The following C12orf57 variants were observed in gnomAD, a reference collection of about 807,000 sequenced individuals.
C12orf57 encodes the protein protein C10.
In C12orf57, 14 loss-of-function variants were observed where a neutral mutation model predicts 11.3. The observed-to-expected ratio is 1.24, with a 90% CI of 0.82 to 1.94. The LOEUF is 1.94. Among genes scored for constraint, C12orf57 ranks in the 30% most tolerant of loss-of-function variants. The probability of loss-of-function intolerance (pLI) is 0.00; values close to 1 mark genes in which losing one functional copy is unlikely to be tolerated. For missense variants in C12orf57, 229 were observed against 172.4 expected (o/e 1.33, Z -1.84); for synonymous variants, 100 against 74.6 (o/e 1.34, Z -1.76).
chr12:6,944,033 C>CCCTG lies in C12orf57; in HGVS notation c.-88_-87insCTGC. ...GCCGGATGCTGTTTCCTTTCCGCTC[C>CCCTG]CAGGGGCGTTGGGAACGGTTGTAGG... On this transcript the variant is annotated 5_prime_UTR_variant, in exon 1 of 3. Transcript: ENST00000229281. 6.2e-7 allele frequency: 1 copy of CCCTG among 1,609,908 alleles called. No individual in the cohort carries two copies. Among genetic ancestry groups the CCCTG allele is most frequent in the Non-Finnish European group, 8.5e-7 (1 of 1,179,512 alleles).
upstream of C12orf57, chr12:6,943,879 C>T (rs112268095): frequency 9.0e-4 from 909 of 1,006,152 alleles, no homozygotes; most frequent in African/African-American, 5.0e-3. Flanking sequence ...GAAAGCCCCT[C>T]TTATGATGTT....
In C12orf57 at chr12:6,944,465, C is replaced by G. The variant is rs782510857; in HGVS notation, c.53-11C>G. On this transcript the variant is annotated splice_polypyrimidine_tract_variant and intron_variant, in intron 1 of 2. Transcript: ENST00000229281. ...CCCGGGACGCCTCCCTGGGATGCTTCTGGCGCGCAGTGGTCCTCGCGGAGG... is the reference window on the plus strand; with the variant it reads ...CCCGGGACGCCTCCCTGGGATGCTTGTGGCGCGCAGTGGTCCTCGCGGAGG... 3 of 1,610,440 alleles carry G rather than the reference C, an allele frequency of 1.9e-6. No individual in the cohort carries two copies. Among genetic ancestry groups the G allele is most frequent in the East Asian group, 4.5e-5 (2 of 44,818 alleles).
rs781877592 is a variant in C12orf57, at chr12:6,944,168, C to G, written c.47C>G (p.Ala16Gly). Residue 16 changes from alanine to glycine, a missense_variant, in exon 1 of 3, where the codon GCA becomes GGA. By Grantham distance (60) the Ala-to-Gly change is moderately conservative. Coordinates refer to ENST00000229281, the MANE Select transcript of C12orf57 (RefSeq NM_138425.4). ...CCGGCGGCCTTGAGCGCTGAGCAAG[C>G]AAAGGGTGAGAATCGTCCTAGTCAA... The part of the protein sequence containing the change: ...TQPAALSAEQ[A>G]KVVLAEVIQA... 5.0e-6 allele frequency: 8 copies of G among 1,614,088 alleles called. No homozygotes were observed. In the East Asian group the frequency reaches 1.1e-4, roughly 22 times the overall value.
At chr12:6,943,848 A>T, upstream of C12orf57, 1 of 899,162 alleles carries the variant, frequency 1.1e-6, no homozygotes, top group Non-Finnish European at 1.6e-6. Context: ...TTTGTCTAGT[A>T]GGCTTTCTGG....
chr12:6,943,816 C>A (rs115670517), upstream of C12orf57: 10 of 833,466 alleles, frequency 1.2e-5, no homozygotes, highest in South Asian at 1.8e-5. Flanking sequence ...ACATACGCAG[C>A]AGTGTTACAG....
chr12:6,943,659 T>G (rs782517275), upstream of C12orf57: 1 of 1,288,432 alleles, frequency 7.8e-7, no homozygotes, highest in African/African-American at 1.5e-5. Flanking sequence ...AATGAATGAC[T>G]TAAGTAAGTT....
In C12orf57 at chr12:6,944,646, G is replaced by A. The variant is rs146701570; in HGVS notation, c.223G>A (p.Gly75Arg). Residue 75 changes from glycine (G) to arginine (R), a missense_variant, in exon 2 of 3, where the codon GGG becomes AGG. Transcript: ENST00000229281. The stretch of plus-strand genomic sequence containing the variant: ...CAAAGCCTATGGCTTCAGCTGCGAC[G>A]GGGAAGGTGGGTCAGACGCGGGAAG... ...VIKAYGFSCD[G>R]EGVLKFARLV... is the part of the protein sequence containing the mutation. 1.5e-5 allele frequency: 24 copies of A among 1,611,432 alleles called. No homozygotes were observed. Among genetic ancestry groups the A allele is most frequent in the East Asian group, 2.2e-5 (1 of 44,818 alleles).
chr12:6,943,831 T>A (rs1343068289), upstream of C12orf57: 2 of 866,826 alleles, frequency 2.3e-6, no homozygotes, highest in African/African-American at 1.7e-5. Flanking sequence ...TTACAGCTCT[T>A]TTAGAATTTG....
At position 6,944,512 on chromosome 12, in the gene C12orf57, C is replaced by T. The variant is rs782646361; in HGVS notation, c.89C>T (p.Pro30Leu). 3.7e-6 allele frequency: 6 copies of T among 1,613,518 alleles called. No homozygotes were observed. The Middle Eastern group carries it at 5.3e-4, about 143-fold the overall frequency. Residue 30 changes from proline to leucine, a missense_variant, in exon 2 of 3, where the codon CCG becomes CTG. Coordinates refer to ENST00000229281, the MANE Select transcript of C12orf57 (RefSeq NM_138425.4). ...LAEVIQAFSA[P>L]ENAVRMDEAR... ...GAGGTGATCCAGGCGTTCTCCGCCC[C>T]GGAGAATGCAGTGCGCATGGACGAG...
upstream of C12orf57, chr12:6,943,932 G>GT: frequency 1.5e-6 from 2 of 1,349,244 alleles, no homozygotes; most frequent in Non-Finnish European, 2.0e-6. Flanking sequence ...AAAATTATGG[G>GT]TAGTTTTGGT....
chr12:6,944,254 G>A (rs1366853662), intron 1 of C12orf57, 81 bp downstream of exon 1: 2 of 1,610,648 alleles, frequency 1.2e-6, no homozygotes, highest in African/African-American at 1.3e-5. Context: ...GAGGATGCGG[G>A]CGGAGGATGT....
chr12:6,945,746 G>A, intron 2 of C12orf57, 25 bp from the exon 3 acceptor site: 6 of 1,611,822 alleles, frequency 3.7e-6, no homozygotes, highest in Non-Finnish European at 5.1e-6. Flanking sequence ...TAGGAGAAGG[G>A]TTGACCTTCC....
chr12:6,944,108 G>T lies in C12orf57; in HGVS notation c.-14G>T, dbSNP rs200840884. 6.8e-6 allele frequency: 11 copies of T among 1,614,212 alleles called. No individual in the cohort carries two copies. In the Admixed American group the frequency reaches 1.7e-4, roughly 24 times the overall value. On this transcript the variant is annotated 5_prime_UTR_variant, in exon 1 of 3. Transcript: ENST00000229281. ...TCCATTTACCTCCGCTGAACCTAGA[G>T]CTTCAGACGCCCTATGGCGTCCGCC...
chr12:6,943,944 G>C (rs782323046), upstream of C12orf57: 443 of 1,446,484 alleles, frequency 3.1e-4, 4 homozygotes, highest in South Asian at 3.4e-3. Context: ...AGTTTTGGTG[G>C]TCTTGATGCA....
chr12:6,945,027 A>G, intron 2 of C12orf57: 2 of 454,566 alleles, frequency 4.4e-6, no homozygotes, highest in Non-Finnish European at 3.6e-6. Flanking sequence ...GTAATTTTAT[A>G]TAATAGTCTG....
upstream of C12orf57, chr12:6,943,907 T>C (rs952270888): frequency 9.2e-5 from 108 of 1,167,744 alleles, no homozygotes; most frequent in Non-Finnish European, 1.2e-4. Context: ...AATGATAGAT[T>C]GTTTTCACTG....
chr12:6,944,797 C>CA (rs1441396190), intron 2 of C12orf57, 145 bp downstream of exon 2: 4 of 1,503,924 alleles, frequency 2.7e-6, no homozygotes, highest in Non-Finnish European at 3.6e-6. Context: ...TCTTGGCACT[C>CA]AGAGCCCAGG....
chr12:6,943,499 T>G (rs912916433), upstream of C12orf57: 1 of 1,273,898 alleles, frequency 7.8e-7, no homozygotes, highest in Non-Finnish European at 1.0e-6. Context: ...TTTAGGAAAC[T>G]GCGACAACGG....
At chr12:6,943,927 T>A (rs782535843), upstream of C12orf57, 35 of 1,327,098 alleles carry the variant, frequency 2.6e-5, no homozygotes, top group Non-Finnish European at 3.3e-5. Flanking sequence ...GTGCAAAAAT[T>A]ATGGGTAGTT....
Sources: allele counts gnomAD v4.1 joint callset, GRCh38; gene constraint gnomAD v4.1.1; transcripts MANE v1.5; gene names NCBI Gene and HGNC (gene_info 2026-07-23, HGNC 2026-07-21).